Variants in PLD1 observed in about 807,000 individuals in gnomAD.
PLD1 encodes the protein choline phosphatase 1.
In PLD1, 112 loss-of-function variants were observed where a neutral mutation model predicts 137.1. The observed-to-expected ratio is 0.82, with a 90% CI of 0.70 to 0.96. PLD1 has a LOEUF of 0.96. Ranked by LOEUF, PLD1 falls within the 40% of genes least tolerant of loss-of-function variation. The pLI is 0.00. For synonymous variants in PLD1, 431 were observed against 454.7 expected, an observed-to-expected ratio of 0.95 and a Z score of 0.66; for missense variants, 1,321 against 1,342.0, an observed-to-expected ratio of 0.98 and a Z score of 0.24.
At chr3:171,609,659 A>T (rs1732500638) in intron 25 of PLD1, among the ~76,000 whole-genome samples, 1 of 152,286 alleles carries the variant, frequency 6.6e-6, no homozygotes, top group South Asian at 2.1e-4. Context: ...AGAAAGTTAA[A>T]TACTGCGTGT....
chr3:171,724,157 G>A (rs1224630771), intron 8 of PLD1, among the ~76,000 whole-genome samples: 2 of 152,190 alleles, frequency 1.3e-5, no homozygotes, highest in African/African-American at 4.8e-5. Flanking sequence ...GTGAATCCCT[G>A]GAATTGCTGG....
intron 1 of PLD1, among the ~76,000 whole-genome samples, chr3:171,771,601 C>T (rs1255600182): frequency 6.6e-6 from 1 of 152,206 alleles, no homozygotes; most frequent in African/African-American, 2.4e-5. Flanking sequence ...CCCTCAGACA[C>T]TGCAATAAAG....
intron 26 of PLD1, among the ~76,000 whole-genome samples, chr3:171,604,462 G>T (rs1027032259): frequency 2.0e-5 from 3 of 151,710 alleles, no homozygotes. Flanking sequence ...TTTTAAAGAG[G>T]TTCACGTCTG....
At chr3:171,620,302 C>T in intron 24 of PLD1, 84 bp downstream of exon 24, 1 of 951,054 alleles carries the variant, frequency 1.1e-6, no homozygotes. Flanking sequence ...GCAAAGGATG[C>T]TTAGGAGGAA....
chr3:171,678,572 A>T (rs1713625627), intron 16 of PLD1, among the ~76,000 whole-genome samples: 1 of 152,236 alleles, frequency 6.6e-6, no homozygotes, highest in African/African-American at 2.4e-5. Context: ...TAACAAATAG[A>T]CACTGAATGC....
At chr3:171,760,527 A>G (rs1431013147) in intron 1 of PLD1, among the ~76,000 whole-genome samples, 1 of 152,216 alleles carries the variant, frequency 6.6e-6, no homozygotes, top group African/African-American at 2.4e-5. Context: ...AACTGCCTAA[A>G]ATAACCTAGG....
intron 24 of PLD1, among the ~76,000 whole-genome samples, chr3:171,613,448 A>G (rs1193816732): frequency 6.6e-6 from 1 of 152,208 alleles, no homozygotes; most frequent in Non-Finnish European, 1.5e-5. Context: ...GTTAAGAATC[A>G]GGCTCTCTGT....
intron 16 of PLD1, among the ~76,000 whole-genome samples, chr3:171,682,662 A>G (rs1474539106): frequency 6.6e-6 from 1 of 152,206 alleles, no homozygotes; most frequent in Non-Finnish European, 1.5e-5. Flanking sequence ...TTTTTTTAGT[A>G]GAACTTTTCT....
intron 1 of PLD1, among the ~76,000 whole-genome samples, chr3:171,748,000 T>G (rs547697974): frequency 1.3e-5 from 2 of 152,296 alleles, no homozygotes; most frequent in Admixed American, 1.3e-4. Flanking sequence ...ATAGATAGAT[T>G]AAAATTTTAA....
intron 23 of PLD1, among the ~76,000 whole-genome samples, chr3:171,635,293 A>G (rs1189488807): frequency 4.6e-5 from 7 of 152,178 alleles, no homozygotes; most frequent in Admixed American, 3.9e-4. Flanking sequence ...TAAGGAGTAG[A>G]ACTGCTGGGT....
chr3:171,688,028 A>G (rs942706518), intron 14 of PLD1, among the ~76,000 whole-genome samples: 5 of 151,914 alleles, frequency 3.3e-5, no homozygotes, highest in African/African-American at 1.2e-4. Flanking sequence ...AGCCCATCAA[A>G]TTTTTTAATA....
chr3:171,748,287 G>C (rs924722869), intron 1 of PLD1, among the ~76,000 whole-genome samples: 1 of 152,220 alleles, frequency 6.6e-6, no homozygotes, highest in African/African-American at 2.4e-5. Context: ...ATTGACTTAA[G>C]TCAAAGGGAA....
chr3:171,725,937 A>T, intron 7 of PLD1, 81 bp downstream of exon 7: 1 of 934,474 alleles, frequency 1.1e-6, no homozygotes, highest in Admixed American at 1.7e-5. Context: ...GGAGGACTCC[A>T]TCACCATGGC....
chr3:171,686,846 T>C, intron 15 of PLD1, 48 bp from the exon 16 acceptor site: 1 of 945,536 alleles, frequency 1.1e-6, no homozygotes, highest in Non-Finnish European at 1.7e-6. Flanking sequence ...ATATCAAATT[T>C]TCTAAACTGG....
chr3:171,625,505 T>A (rs1366674235), intron 23 of PLD1, among the ~76,000 whole-genome samples: 1 of 152,194 alleles, frequency 6.6e-6, no homozygotes, highest in Non-Finnish European at 1.5e-5. Context: ...AGAGCAGTGG[T>A]TCTCCCAGCA....
At chr3:171,804,725 A>G (rs192992072) in intron 1 of PLD1, among the ~76,000 whole-genome samples, 1 of 152,366 alleles carries the variant, frequency 6.6e-6, no homozygotes, top group African/African-American at 2.4e-5. Flanking sequence ...CTTATTGTCC[A>G]CATGCTTTGT....
At chr3:171,756,934 AT>A (rs773454680) in intron 1 of PLD1, among the ~76,000 whole-genome samples, 1 of 152,196 alleles carries the variant, frequency 6.6e-6, no homozygotes, top group Non-Finnish European at 1.5e-5. Flanking sequence ...CCCAATAAAG[AT>A]TTTTTTAAAA....
chr3:171,677,850 C>T (rs911472605), intron 16 of PLD1, 156 bp from the exon 17 acceptor site: 3 of 621,468 alleles, frequency 4.8e-6, no homozygotes, highest in Non-Finnish European at 8.1e-6. Flanking sequence ...TGTGGGCTAA[C>T]AAGGTTTTAC....
intron 1 of PLD1, among the ~76,000 whole-genome samples, chr3:171,750,907 A>T (rs1720606088): frequency 6.6e-6 from 1 of 152,214 alleles, no homozygotes; most frequent in Admixed American, 6.5e-5. Context: ...CCTATCAGGT[A>T]GATCAATAAT....
Sources: gnomAD v4.1 joint callset for allele counts (sites outside exome capture counted in the v4.1 genomes callset) on GRCh38, gnomAD v4.1.1 for gene constraint, MANE v1.5 for transcripts, NCBI Gene and HGNC (gene_info 2026-07-23, HGNC 2026-07-21) for gene names.